TENT2: variants seen among roughly 807,000 people sequenced by gnomAD.
TENT2 encodes terminal nucleotidyltransferase 2, also known as poly(A) RNA polymerase GLD2.
In TENT2, 44 loss-of-function variants were observed where a neutral mutation model predicts 72.2. The observed-to-expected ratio is 0.61, with a 90% CI of 0.48 to 0.78. The LOEUF (loss-of-function observed/expected upper bound fraction) is 0.78. Ranked by LOEUF, TENT2 falls within the 30% of genes least tolerant of loss-of-function variation. The pLI, the probability that TENT2 is intolerant of heterozygous loss-of-function variation, is 0.00. For synonymous variants in TENT2, 212 were observed against 192.5 expected, an observed-to-expected ratio of 1.10 and a Z score of -0.84; for missense variants, 541 against 569.6, an observed-to-expected ratio of 0.95 and a Z score of 0.51.
At chr5:79,615,392 C>G (rs1490434265) in intron 1 of TENT2, among the ~76,000 whole-genome samples, 3 of 152,132 alleles carry the variant, frequency 2.0e-5, no homozygotes, top group Non-Finnish European at 1.5e-5. Context: ...AGTATCTAGG[C>G]TTTTTGCTAT....
Position 79,640,933 on chromosome 5 carries a change from A to G in TENT2, c.548A>G (p.Gln183Arg), listed in dbSNP as rs1213315877. Residue 183 changes from glutamine to arginine, a missense_variant, in exon 5 of 15, where the codon CAG (glutamine) becomes CGG (arginine). By Grantham distance (43) the Gln-to-Arg change is conservative. Coordinates refer to ENST00000453514, the MANE Select transcript of TENT2 (RefSeq NM_001114394.3). ...AAGAAGAAAGAACTCTGTCGAACAC[A>G]GCTGCAGAGAGAAATTCAGCTGTTA... is the stretch of plus-strand genomic sequence containing the variant. ...DLKKKELCRT[Q>R]LQREIQLLFP... 3 of 1,610,596 alleles carry G rather than the reference A, an allele frequency of 1.9e-6. No homozygotes were observed. Among genetic ancestry groups the G allele is most frequent in the Non-Finnish European group, 2.5e-6 (3 of 1,178,722 alleles).
intron 7 of TENT2, 59 bp from the exon 8 acceptor site, chr5:79,645,064 T>C: frequency 7.2e-7 from 1 of 1,392,038 alleles, no homozygotes; most frequent in Non-Finnish European, 9.8e-7. Flanking sequence ...AAATGTGCGT[T>C]GGAACACTGT....
intron 11 of TENT2, among the ~76,000 whole-genome samples, chr5:79,659,551 A>G (rs1479692693): frequency 1.1e-4 from 7 of 63,504 alleles, no homozygotes; most frequent in African/African-American, 6.1e-4. Flanking sequence ...AAAAAAAAAA[A>G]AAATGTATAT....
intron 6 of TENT2, 125 bp downstream of exon 6, chr5:79,641,321 T>A: frequency 1.4e-6 from 1 of 740,168 alleles, no homozygotes; most frequent in Non-Finnish European, 2.1e-6. Context: ...TTGTTTACCA[T>A]AATTGCAGGA....
rs540001450 is a variant in TENT2 at position 79,669,048 on chromosome 5, GTGTT to G, written c.1208+25_1208+28del. 3,004 of 1,610,984 alleles carry G rather than the reference GTGTT, an allele frequency of 1.9e-3. 3 individuals are homozygous for G. The highest frequency in any genetic ancestry group is 2.3e-3 in the Non-Finnish European group (2,751 of 1,178,558). On this transcript the variant is annotated intron_variant, in intron 12 of 14. Transcript: ENST00000453514. ...ATTTGAGTAAGTAAAACTTTAAATT[GTGTT>G]TGTTCACTTATATGTGTGTGTGTGT...
chr5:79,684,817 C>G (rs538283761), intron 14 of TENT2, among the ~76,000 whole-genome samples: 2 of 152,214 alleles, frequency 1.3e-5, no homozygotes, highest in East Asian at 3.9e-4. Context: ...ATGACAGAAA[C>G]AATACTTACA....
At chr5:79,625,585 T>G (rs995027066) in intron 4 of TENT2, among the ~76,000 whole-genome samples, 10 of 152,128 alleles carry the variant, frequency 6.6e-5, no homozygotes, top group Admixed American at 6.5e-4. Context: ...TAGTTTTAAT[T>G]CTTATATTTA....
At chr5:79,655,803 A>G (rs1433310794) in intron 10 of TENT2, among the ~76,000 whole-genome samples, 1 of 151,480 alleles carries the variant, frequency 6.6e-6, no homozygotes, top group Non-Finnish European at 1.5e-5. Flanking sequence ...CACACATACC[A>G]TGGAATTTTA....
At chr5:79,630,907 T>G (rs902149089) in intron 4 of TENT2, among the ~76,000 whole-genome samples, 4 of 151,070 alleles carry the variant, frequency 2.6e-5, no homozygotes, top group Non-Finnish European at 4.4e-5. Context: ...TGAGCAAGCA[T>G]GGATGTAGGG....
chr5:79,664,869 G>A (rs1806110880), intron 11 of TENT2, among the ~76,000 whole-genome samples: 1 of 152,066 alleles, frequency 6.6e-6, no homozygotes, highest in South Asian at 2.1e-4. Flanking sequence ...GCTGAGGAAC[G>A]CTAAGTAACT....
At chr5:79,674,932 A>G (rs1364271670) in intron 12 of TENT2, among the ~76,000 whole-genome samples, 1 of 152,092 alleles carries the variant, frequency 6.6e-6, no homozygotes, top group African/African-American at 2.4e-5. Flanking sequence ...TTTTTGATAG[A>G]TTGAGTAAGA....
chr5:79,640,738 A>G (rs1158761537), intron 4 of TENT2, 113 bp from the exon 5 acceptor site: 1 of 581,914 alleles, frequency 1.7e-6, no homozygotes, highest in African/African-American at 1.9e-5. Flanking sequence ...TAAGAAGATA[A>G]TACATACTCC....
chr5:79,634,928 C>T (rs1447136415), intron 4 of TENT2, among the ~76,000 whole-genome samples: 1 of 151,708 alleles, frequency 6.6e-6, no homozygotes, highest in East Asian at 1.9e-4. Context: ...AGCTATGTTG[C>T]TGCCTCAGCC....
chr5:79,653,495 A>G (rs559800890), intron 10 of TENT2, among the ~76,000 whole-genome samples: 2 of 152,224 alleles, frequency 1.3e-5, no homozygotes, highest in Non-Finnish European at 2.9e-5. Context: ...TGTCTTAACA[A>G]AACAAAAAAA....
At chr5:79,627,146 C>A (rs1017450280) in intron 4 of TENT2, among the ~76,000 whole-genome samples, 3 of 138,832 alleles carry the variant, frequency 2.2e-5, no homozygotes, top group African/African-American at 5.8e-5. Context: ...AAAAAAAAAT[C>A]TTTTACTGTT....
intron 14 of TENT2, among the ~76,000 whole-genome samples, chr5:79,683,108 C>T (rs1361946147): frequency 2.6e-5 from 4 of 151,858 alleles, no homozygotes; most frequent in Non-Finnish European, 5.9e-5. Context: ...CAAGTTGCTG[C>T]ACTTCAAGCC....
rs776986747 is a variant in TENT2 at position 79,641,206 on chromosome 5, GA to G, written c.672+13del. 1 of 1,534,398 alleles carries G rather than the reference GA, an allele frequency of 6.5e-7. No homozygotes were observed. The highest frequency in any genetic ancestry group is 1.3e-5 in the South Asian group (1 of 76,930). On this transcript the variant is annotated intron_variant, in intron 6 of 14. Coordinates refer to ENST00000453514, the MANE Select transcript of TENT2 (RefSeq NM_001114394.3). The stretch of plus-strand genomic sequence containing the variant: ...TGTTAAGGAAGAACCAGTAAGTAAG[GA>G]AACATTTATTCCAAGTGTGTTTCTC...
chr5:79,681,859 C>T, intron 13 of TENT2, 123 bp from the exon 14 acceptor site: 2 of 659,908 alleles, frequency 3.0e-6, no homozygotes, highest in Non-Finnish European at 5.2e-6. Flanking sequence ...TAGGCTGACC[C>T]ATCTGAAATT....
chr5:79,620,813 A>G (rs1295592360), intron 3 of TENT2, among the ~76,000 whole-genome samples: 3 of 152,130 alleles, frequency 2.0e-5, no homozygotes, highest in Non-Finnish European at 4.4e-5. Context: ...AGTAAACTTT[A>G]TGTTTTTCTT....
Sources: allele counts gnomAD v4.1 joint callset (sites outside exome capture counted in the v4.1 genomes callset), GRCh38; gene constraint gnomAD v4.1.1; transcripts MANE v1.5; gene names NCBI Gene and HGNC (gene_info 2026-07-23, HGNC 2026-07-21).